Variants in SH3RF3 observed in about 807,000 individuals in gnomAD.
SH3RF3 encodes E3 ubiquitin-protein ligase SH3RF3.
Under a neutral mutation model 66.3 loss-of-function variants are expected in SH3RF3, and 29 were observed. The observed-to-expected ratio is 0.44, with a 90% CI of 0.33 to 0.60. The LOEUF (loss-of-function observed/expected upper bound fraction) is 0.60. Among genes scored for constraint, SH3RF3 ranks in the 20% least tolerant of loss-of-function variants. SH3RF3 has a pLI of 0.04. For synonymous variants in SH3RF3, 583 were observed against 532.0 expected, an observed-to-expected ratio of 1.10 and a Z score of -1.32; for missense variants, 1,194 against 1,190.9, an observed-to-expected ratio of 1.00 and a Z score of -0.04.
At chr2:109,410,309 C>G (rs549416737) in intron 4 of SH3RF3, among the ~76,000 whole-genome samples, 3 of 152,354 alleles carry the variant, frequency 2.0e-5, no homozygotes, top group African/African-American at 7.2e-5. Flanking sequence ...TGCCATTCAC[C>G]TGTGAGCTCT....
Position 109,229,487 on chromosome 2 carries a change from G to A in SH3RF3, c.573+99374G>A, listed in dbSNP as rs143150760. On this transcript the variant is annotated intron_variant, in intron 1 of 9. Coordinates refer to ENST00000309415, the MANE Select transcript of SH3RF3 (RefSeq NM_001099289.3). Reference sequence around the variant, plus strand: ...ATGACAGCTTCTCAGACTGGTCCTGGGGTGGTCACGGCAGGTGGATAGTGG... The same window carrying A: ...ATGACAGCTTCTCAGACTGGTCCTGAGGTGGTCACGGCAGGTGGATAGTGG... Among the ~76,000 whole-genome samples the A allele has an allele frequency of 2.6e-3, 402 of 152,244 alleles. 2 individuals are homozygous for A. The highest frequency in any genetic ancestry group is 9.3e-3 in the African/African-American group (386 of 41,540).
At chr2:109,295,467 T>A (rs1681286348) in intron 1 of SH3RF3, among the ~76,000 whole-genome samples, 1 of 152,168 alleles carries the variant, frequency 6.6e-6, no homozygotes, top group Admixed American at 6.5e-5. Flanking sequence ...GAGAGGACCC[T>A]GGGAGGTGAG....
chr2:109,353,314 CCCACA>C, intron 2 of SH3RF3, among the ~76,000 whole-genome samples: 1 of 152,346 alleles, frequency 6.6e-6, no homozygotes, highest in East Asian at 1.9e-4. Context: ...CCTGGGTGCC[CCCACA>C]CATTTATAGC....
intron 8 of SH3RF3, among the ~76,000 whole-genome samples, chr2:109,486,609 A>G (rs56800383): frequency 0.13 from 19,477 of 152,168 alleles, 1,896 homozygotes; most frequent in East Asian, 0.27. Flanking sequence ...AGCGAGGCAG[A>G]TGGTACCCTT....
chr2:109,322,164 C>T (rs1386914777), intron 1 of SH3RF3, among the ~76,000 whole-genome samples: 2 of 152,126 alleles, frequency 1.3e-5, no homozygotes, highest in Admixed American at 6.6e-5. Context: ...AGACAAGACA[C>T]GGATACACAG....
intron 8 of SH3RF3, among the ~76,000 whole-genome samples, chr2:109,477,674 T>C (rs1191311337): frequency 1.3e-5 from 2 of 151,988 alleles, no homozygotes; most frequent in Non-Finnish European, 1.5e-5. Context: ...AGGAGTGATT[T>C]CCCACAGTTT....
chr2:109,204,001 G>A (rs1021211765), intron 1 of SH3RF3, among the ~76,000 whole-genome samples: 1 of 152,192 alleles, frequency 6.6e-6, no homozygotes, highest in African/African-American at 2.4e-5. Context: ...AAGGGGCTCT[G>A]AGTGTGAAAA....
chr2:109,442,744 A>G (rs1046307251), intron 7 of SH3RF3, among the ~76,000 whole-genome samples: 4 of 152,232 alleles, frequency 2.6e-5, no homozygotes, highest in African/African-American at 7.2e-5. Context: ...AAAGGGAATA[A>G]AAAGGAATCA....
intron 1 of SH3RF3, among the ~76,000 whole-genome samples, chr2:109,329,587 C>T (rs1222609604): frequency 6.6e-6 from 1 of 152,208 alleles, no homozygotes; most frequent in Non-Finnish European, 1.5e-5. Flanking sequence ...AGGTGGAAGG[C>T]TGATGATAAG....
intron 1 of SH3RF3, among the ~76,000 whole-genome samples, chr2:109,162,327 C>G (rs2104911949): frequency 6.6e-6 from 1 of 152,364 alleles, no homozygotes; most frequent in East Asian, 1.9e-4. Flanking sequence ...AGAAGTTGCT[C>G]TGACACGTAA....
At chr2:109,482,421 A>G (rs1372962051) in intron 8 of SH3RF3, among the ~76,000 whole-genome samples, 1 of 152,208 alleles carries the variant, frequency 6.6e-6, no homozygotes, top group Admixed American at 6.5e-5. Context: ...CTGTTGCCAA[A>G]GCTGTCGCAG....
intron 1 of SH3RF3, among the ~76,000 whole-genome samples, chr2:109,305,626 C>G (rs1681573870): frequency 6.6e-6 from 1 of 152,156 alleles, no homozygotes; most frequent in Admixed American, 6.5e-5. Context: ...TCTGGCAGGT[C>G]CTCTTGACTG....
At chr2:109,347,264 G>A in intron 1 of SH3RF3, among the ~76,000 whole-genome samples, 1 of 152,154 alleles carries the variant, frequency 6.6e-6, no homozygotes, top group Non-Finnish European at 1.5e-5. Flanking sequence ...GAAATTCCGA[G>A]CCCAGACCTC....
At chr2:109,374,627 G>A (rs1018069863) in intron 3 of SH3RF3, among the ~76,000 whole-genome samples, 3 of 152,212 alleles carry the variant, frequency 2.0e-5, no homozygotes, top group African/African-American at 7.2e-5. Context: ...TCCCGGTGAT[G>A]CTTGTCCCCT....
intron 4 of SH3RF3, among the ~76,000 whole-genome samples, chr2:109,408,262 A>T (rs540738320): frequency 6.6e-6 from 1 of 152,198 alleles, no homozygotes; most frequent in Non-Finnish European, 1.5e-5. Flanking sequence ...GGCCTCGATC[A>T]GTACAGGTAA....
At chr2:109,332,825 C>T (rs972453688) in intron 1 of SH3RF3, among the ~76,000 whole-genome samples, 1 of 152,220 alleles carries the variant, frequency 6.6e-6, no homozygotes, top group African/African-American at 2.4e-5. Context: ...TTTTAACGTG[C>T]ACAGTATGTT....
In SH3RF3 at chr2:109,152,456, T is replaced by C. The variant is rs142308743; in HGVS notation, c.573+22343T>C. ...GTTGAGAACGAGAGCATAATAGCCT[T>C]GTTCCGGGTGCCTGATGGGCCTACA... On this transcript the variant is annotated intron_variant, in intron 1 of 9. Transcript: ENST00000309415. Among the ~76,000 whole-genome samples, 1,132 of 152,360 alleles carry C rather than the reference T, an allele frequency of 7.4e-3. 8 individuals are homozygous for C. Among genetic ancestry groups the C allele is most frequent in the Non-Finnish European group, 0.011 (762 of 68,030 alleles).
At chr2:109,477,916 C>T (rs554790549) in intron 8 of SH3RF3, among the ~76,000 whole-genome samples, 2 of 152,226 alleles carry the variant, frequency 1.3e-5, no homozygotes, top group African/African-American at 4.8e-5. Flanking sequence ...CAGCCCCACA[C>T]CCTTGGCATG....
chr2:109,222,457 T>C (rs1256695274), intron 1 of SH3RF3, among the ~76,000 whole-genome samples: 1 of 152,054 alleles, frequency 6.6e-6, no homozygotes, highest in African/African-American at 2.4e-5. Flanking sequence ...CCCATAAATA[T>C]GTACAATTAT....
Sources: gnomAD v4.1 joint callset for allele counts (sites outside exome capture counted in the v4.1 genomes callset) on GRCh38, gnomAD v4.1.1 for gene constraint, MANE v1.5 for transcripts, NCBI Gene and HGNC (gene_info 2026-07-23, HGNC 2026-07-21) for gene names.